The following TACC2 variants were observed in gnomAD, a reference collection of about 807,000 sequenced individuals.
TACC2 encodes the protein transforming acidic coiled-coil containing protein 2.
TACC2 carries 137 observed loss-of-function variants against 227.3 expected under a neutral mutation model. The ratio of observed to expected loss-of-function variants is 0.60; its 90% CI spans 0.52 to 0.69. TACC2 has a LOEUF of 0.69. TACC2 is among the 30% of genes least tolerant of loss of function. The pLI, the probability that TACC2 is intolerant of heterozygous loss-of-function variation, is 0.00. For missense variants in TACC2, 3,470 were observed against 3,694.4 expected (o/e 0.94, Z 1.57); for synonymous variants, 1,523 against 1,487.5 (o/e 1.02, Z -0.55).
chr10:122,165,049 T>C (rs2093071852), intron 7 of TACC2, among the ~76,000 whole-genome samples: 1 of 152,160 alleles, frequency 6.6e-6, no homozygotes, highest in South Asian at 2.1e-4. Flanking sequence ...TTTTCTGGGC[T>C]CCAGCTCTTT....
Position 122,087,880 on chromosome 10 carries a change from G to A in TACC2, c.5380G>A (p.Val1794Ile), listed in dbSNP as rs777458270. 1.6e-5 allele frequency: 25 copies of A among 1,519,542 alleles called. No homozygotes were observed. Among genetic ancestry groups the A allele is most frequent in the African/African-American group, 7.0e-5 (5 of 71,824 alleles). 94.1% of individuals were successfully genotyped at this position (1,519,542 alleles called of 1,614,324 possible). The change falls in exon 4 of 23, where the codon GTC (valine) becomes ATC (isoleucine). Residue 1794 changes from valine (V) to isoleucine (I), a missense_variant. Physicochemically the swap from Val to Ile is conservative, Grantham distance 29 (BLOSUM62 3). This residue lies in a region of TACC2 where 1,924 missense variants were observed against 1,978.3 expected (regional missense o/e 0.97). Transcript: ENST00000369005. ...PIPAGDGKVC[V>I]SSPPEPDETH... ...TCCAGCTGGGGATGGGAAGGTGTGC[G>A]TCTCCTCACCTCCAGAGCCTGACGA...
intron 7 of TACC2, among the ~76,000 whole-genome samples, chr10:122,147,478 G>A (rs1161379880): frequency 1.3e-5 from 2 of 152,082 alleles, no homozygotes; most frequent in Non-Finnish European, 2.9e-5. Context: ...CAGTACTGTC[G>A]TCTGTGGAAG....
At chr10:122,234,192 T>G (rs1261045610) in intron 16 of TACC2, among the ~76,000 whole-genome samples, 1 of 152,204 alleles carries the variant, frequency 6.6e-6, no homozygotes, top group Non-Finnish European at 1.5e-5. Context: ...CCTCCATGTC[T>G]GGCAGCAGGG....
chr10:122,011,053 G>A (rs1294685238), intron 1 of TACC2, among the ~76,000 whole-genome samples: 1 of 152,200 alleles, frequency 6.6e-6, no homozygotes, highest in Admixed American at 6.5e-5. Context: ...ATTTAGGTTG[G>A]CTCTTGGGTA....
In TACC2 at chr10:122,050,353, G is replaced by A; in HGVS notation, c.34-85G>A. On this transcript the variant is annotated intron_variant, in intron 2 of 22. Transcript: ENST00000369005. The surrounding 1 kb of genome is among the most constrained non-coding windows in gnomAD (Gnocchi z 4.6). ...TGAACAACCTTACCTTGAATGCTGT[G>A]GTGGGTGCCCTGTTGATAAATGTTT... 1 of 1,013,132 alleles carries A rather than the reference G, an allele frequency of 9.9e-7. No homozygotes were observed. Among genetic ancestry groups the A allele is most frequent in the Admixed American group, 2.1e-5 (1 of 48,016 alleles). 62.8% of individuals were successfully genotyped at this position (1,013,132 alleles called of 1,614,324 possible).
At chr10:122,127,982 G>A (rs993683925) in intron 5 of TACC2, among the ~76,000 whole-genome samples, 4 of 152,278 alleles carry the variant, frequency 2.6e-5, no homozygotes, top group Admixed American at 2.6e-4. Flanking sequence ...ATTTATGCAC[G>A]TTCTGACACT....
At chr10:122,120,880 C>T (rs920295935) in intron 5 of TACC2, among the ~76,000 whole-genome samples, 8 of 152,176 alleles carry the variant, frequency 5.3e-5, no homozygotes. Context: ...ATTCTCCTGC[C>T]TCAGCCTCCC....
At chr10:122,043,540 C>T (rs1270010354) in intron 2 of TACC2, among the ~76,000 whole-genome samples, 8 of 46,168 alleles carry the variant, frequency 1.7e-4, no homozygotes, top group Non-Finnish European at 3.1e-4. Flanking sequence ...CTTTCTCTCT[C>T]TCTCTGTCTC....
At chr10:122,082,436 A>G (rs1348350409) in intron 3 of TACC2, among the ~76,000 whole-genome samples, 1 of 152,058 alleles carries the variant, frequency 6.6e-6, no homozygotes, top group Non-Finnish European at 1.5e-5. Flanking sequence ...GATACCCTGC[A>G]GTGGTTTTTG....
intron 5 of TACC2, among the ~76,000 whole-genome samples, chr10:122,119,085 C>T (rs1456824262): frequency 1.3e-5 from 2 of 152,112 alleles, no homozygotes; most frequent in African/African-American, 2.4e-5. Context: ...AGAACTTACT[C>T]ATCTTGCCAA....
At chr10:122,247,904 A>AT (rs2096163042) in intron 19 of TACC2, 1 of 152,024 alleles carries the variant, frequency 6.6e-6, no homozygotes, top group Non-Finnish European at 1.5e-5. Flanking sequence ...AAAAATATAC[A>AT]TTTTCTAGAT....
intron 5 of TACC2, among the ~76,000 whole-genome samples, chr10:122,121,556 C>T (rs367593601): frequency 2.0e-5 from 3 of 152,264 alleles, no homozygotes; most frequent in East Asian, 3.9e-4. Context: ...GTGAAGGCTC[C>T]CAGGCATCAC....
At chr10:122,059,220 T>A (rs981179921) in intron 3 of TACC2, among the ~76,000 whole-genome samples, 3 of 152,190 alleles carry the variant, frequency 2.0e-5, no homozygotes, top group Non-Finnish European at 2.9e-5. Flanking sequence ...CCGGGCTCCA[T>A]CTGTGTTTTT....
chr10:122,211,214 A>G lies in TACC2; in HGVS notation c.6789A>G (p.Val2263=), dbSNP rs956189831. The change falls in exon 9 of 23, where the codon GTA becomes GTG. Residue 2263 remains valine (V), a synonymous_variant. Coordinates refer to ENST00000369005, the MANE Select transcript of TACC2 (RefSeq NM_206862.4). ...ACTCTCCAGCCAAAGGGCTCTCCGT[A>G]AGGCTGGAGTTTGACTATTCTGAGG... is the stretch of plus-strand genomic sequence containing the variant. The part of the protein sequence containing the change: ...QEDSPAKGLS[V]RLEFDYSEDK... 1 of 1,614,000 alleles carries G rather than the reference A, an allele frequency of 6.2e-7. No homozygotes were observed. The highest frequency in any genetic ancestry group is 1.3e-5 in the African/African-American group (1 of 74,922).
chr10:122,174,234 C>T (rs192524842), intron 7 of TACC2, among the ~76,000 whole-genome samples: 18 of 152,322 alleles, frequency 1.2e-4, no homozygotes, highest in Non-Finnish European at 2.5e-4. Flanking sequence ...GCCTGGTAAA[C>T]TCAGCCAGCA....
chr10:122,013,020 G>A (rs1956140203), intron 1 of TACC2, among the ~76,000 whole-genome samples: 1 of 152,190 alleles, frequency 6.6e-6, no homozygotes, highest in African/African-American at 2.4e-5. Context: ...AATGGGGCTT[G>A]CAGAGTCCCC....
At chr10:122,165,035 G>C (rs954676001) in intron 7 of TACC2, among the ~76,000 whole-genome samples, 1 of 152,118 alleles carries the variant, frequency 6.6e-6, no homozygotes, top group Admixed American at 6.5e-5. Flanking sequence ...GCTGAGCCTC[G>C]TGGTTTTCTG....
intron 3 of TACC2, among the ~76,000 whole-genome samples, chr10:122,073,126 A>AAAATATAT (rs1383487943): frequency 2.0e-3 from 140 of 70,906 alleles, no homozygotes; most frequent in Middle Eastern, 9.6e-3. Context: ...AAAAAAAAAA[A>AAAATATAT]ATATATATAT....
chr10:122,084,387 C>T lies in TACC2; in HGVS notation c.1887C>T (p.Ser629=), dbSNP rs776222468. 3 of 1,613,226 alleles carry T rather than the reference C, an allele frequency of 1.9e-6. No individual in the cohort carries two copies. The highest frequency in any genetic ancestry group is 2.7e-5 in the African/African-American group (2 of 74,940). Residue 629 remains serine (S), a synonymous_variant, in exon 4 of 23, where the codon AGC becomes AGT. Coordinates refer to ENST00000369005, the MANE Select transcript of TACC2 (RefSeq NM_206862.4). ...ATGCAGAGAGCAGAGACCATCCCAG[C>T]TCACACTCAGCACAGCCACCCAGAA... ...SSDAESRDHP[S]SHSAQPPRKG... is the part of the protein sequence containing the mutation.
Sources: allele counts gnomAD v4.1 joint callset (sites outside exome capture counted in the v4.1 genomes callset), GRCh38; gene constraint gnomAD v4.1.1; regional missense constraint gnomAD v4.1.1; non-coding constraint Gnocchi (gnomAD v3.1); transcripts MANE v1.5; gene names NCBI Gene and HGNC (gene_info 2026-07-23, HGNC 2026-07-21).